The following MPDZ variants were observed in gnomAD, a reference collection of about 807,000 sequenced individuals.
MPDZ encodes the protein multiple PDZ domain crumbs cell polarity complex component.
In MPDZ, 234 loss-of-function variants were observed where a neutral mutation model predicts 239.1. The ratio of observed to expected loss-of-function variants is 0.98; its 90% CI spans 0.88 to 1.09. The LOEUF is 1.09. Among genes scored for constraint, MPDZ ranks in the 50% least tolerant of loss-of-function variants. The pLI, the probability that MPDZ is intolerant of heterozygous loss-of-function variation, is 0.00. For synonymous variants in MPDZ, 1,048 were observed against 881.3 expected (o/e 1.19, Z -3.35); for missense variants, 3,175 against 2,510.0 (o/e 1.26, Z -5.66).
chr9:13,117,247 C>T (rs926111164), intron 39 of MPDZ, among the ~76,000 whole-genome samples: 1 of 152,076 alleles, frequency 6.6e-6, no homozygotes, highest in Admixed American at 6.5e-5. Context: ...GGAGCGACTA[C>T]TGTATATATT....
chr9:13,115,730 G>C (rs1308996215), intron 39 of MPDZ, among the ~76,000 whole-genome samples: 3 of 152,018 alleles, frequency 2.0e-5, no homozygotes, highest in Non-Finnish European at 2.9e-5. Context: ...TGGATCACGA[G>C]GTCAGGAGAT....
rs1944638568 is a variant in MPDZ, at chr9:13,123,283, G to A, written c.4823C>T (p.Ser1608Leu). The change falls in exon 36 of 47, where the codon TCA (serine) becomes TTA (leucine). Residue 1608 changes from serine to leucine, a missense_variant. Ser to Leu is a moderately radical substitution (Grantham distance 145). Transcript: ENST00000319217. ...PESIRNTSRS[S>L]TPAIFASDPA... ...ATCAGAAGCAAAAATTGCTGGTGTT[G>A]ATGATCTGCTTGTATCTAAAAATAA... The A allele has an allele frequency of 6.2e-7, 1 of 1,610,818 alleles. No individual in the cohort carries two copies. The highest frequency in any genetic ancestry group is 8.5e-7 in the Non-Finnish European group (1 of 1,178,474).
rs1408665173 is a variant in MPDZ, at chr9:13,113,988, G to T, written c.5500C>A (p.Pro1834Thr). The T allele has an allele frequency of 6.3e-7, 1 of 1,598,168 alleles. No individual in the cohort carries two copies. The highest frequency in any genetic ancestry group is 1.1e-5 in the South Asian group (1 of 87,752). Residue 1834 changes from proline (P) to threonine (T), a missense_variant, in exon 41 of 47, where the codon CCA (proline) becomes ACA (threonine). Physicochemically the swap from Pro to Thr is conservative, Grantham distance 38. Transcript: ENST00000319217. The part of the protein sequence containing the change: ...SEGSLSSFTF[P>T]LSGSSTSESL... ...TCAGATGTACTGGATCCAGAGAGTG[G>T]AAAAGTGAAAGATGACAGGCTGCCT...
At chr9:13,210,740 A>T (rs1957522740) in intron 10 of MPDZ, among the ~76,000 whole-genome samples, 1 of 152,112 alleles carries the variant, frequency 6.6e-6, no homozygotes, top group Non-Finnish European at 1.5e-5. Flanking sequence ...CAATCTATGA[A>T]ACAGACTGCT....
rs772699513 is a variant in MPDZ, at chr9:13,121,856, C to A, written c.5114G>T (p.Arg1705Leu). The A allele has an allele frequency of 1.2e-6, 2 of 1,613,712 alleles. No individual in the cohort carries two copies. The highest frequency in any genetic ancestry group is 1.7e-6 in the Non-Finnish European group (2 of 1,179,758). ...GGCCTCATCTCTGTAGAGTGTCAGGCGCACTCTCTGTGGCGTCTGTCTCAG... is the reference window on the plus strand; with the variant it reads ...GGCCTCATCTCTGTAGAGTGTCAGGAGCACTCTCTGTGGCGTCTGTCTCAG... ...NVLRQTPQRVRLTLYRDEAPY... is the reference protein window; with the variant it reads ...NVLRQTPQRVLLTLYRDEAPY... Residue 1705 changes from arginine (R) to leucine (L), a missense_variant, in exon 38 of 47, where the codon CGC becomes CTC. Arg to Leu is a moderately radical substitution (Grantham distance 102). Coordinates refer to ENST00000319217, the MANE Select transcript of MPDZ (RefSeq NM_001378778.1).
Position 13,206,004 on chromosome 9 carries a change from T to A in MPDZ, c.1386A>T (p.Arg462Ser). Residue 462 changes from arginine to serine, a missense_variant, in exon 11 of 47, where the codon AGA becomes AGT. Arg to Ser is a moderately radical substitution (Grantham distance 110, BLOSUM62 -1). Coordinates refer to ENST00000319217, the MANE Select transcript of MPDZ (RefSeq NM_001378778.1). Reference protein sequence around the residue: ...GQTVLLTLMRRGMKQEAELMS... With the variant: ...GQTVLLTLMRSGMKQEAELMS... ...TGAGCTCGGCTTCCTGCTTCATTCC[T>A]CTCCTCATTAGTGTCAGGAGCACAG... 1 of 1,612,622 alleles carries A rather than the reference T, an allele frequency of 6.2e-7. No individual in the cohort carries two copies. Among genetic ancestry groups the A allele is most frequent in the Non-Finnish European group, 8.5e-7 (1 of 1,179,402 alleles).
rs1948020365 is a variant in MPDZ, at chr9:13,143,548, G to A, written c.3758C>T (p.Ser1253Phe). ...CTTAGGGTAAAGGTTGTGCAGCAAG[G>A]AAGGCAAAGGGGATTTCTAAAAGGA... Reference protein sequence around the residue: ...INRPRKSPLPSLLHNLYPKYN... With the variant: ...INRPRKSPLPFLLHNLYPKYN... Residue 1253 changes from serine to phenylalanine, a missense_variant, in exon 27 of 47, where the codon TCC becomes TTC. Coordinates refer to ENST00000319217, the MANE Select transcript of MPDZ (RefSeq NM_001378778.1). 1.2e-6 allele frequency: 2 copies of A among 1,612,792 alleles called. No individual in the cohort carries two copies. The highest frequency in any genetic ancestry group is 2.2e-5 in the East Asian group (1 of 44,864).
chr9:13,165,926 G>A (rs1951017598), intron 22 of MPDZ, among the ~76,000 whole-genome samples: 1 of 152,060 alleles, frequency 6.6e-6, no homozygotes. Context: ...ATCTACCCAT[G>A]CATGCATGAA....
At chr9:13,147,450 A>T in intron 26 of MPDZ, 98 bp downstream of exon 26, 1 of 846,380 alleles carries the variant, frequency 1.2e-6, no homozygotes, top group Non-Finnish European at 2.0e-6. Context: ...TTGAAAAATC[A>T]CTATCTTTAC....
rs1950622731 is a variant in MPDZ, at chr9:13,162,739, T to C, written c.3311A>G (p.Gln1104Arg). Residue 1104 changes from glutamine (Q) to arginine (R), a missense_variant, in exon 23 of 47, where the codon CAA (glutamine) becomes CGA (arginine). Transcript: ENST00000319217. Reference protein sequence around the residue: ...LEEFKISLGQQSGRVMALDIF... With the variant: ...LEEFKISLGQRSGRVMALDIF... ...ATCCAGTGCCATTACTCTTCCAGATTGTTGTCCCAAGCTTATTTTGAACTC... is the reference window on the plus strand; with the variant it reads ...ATCCAGTGCCATTACTCTTCCAGATCGTTGTCCCAAGCTTATTTTGAACTC... 1.9e-6 allele frequency: 3 copies of C among 1,611,636 alleles called. No homozygotes were observed. The highest frequency in any genetic ancestry group is 2.5e-6 in the Non-Finnish European group (3 of 1,178,686).
intron 1 of MPDZ, among the ~76,000 whole-genome samples, chr9:13,255,365 A>G (rs978808207): frequency 2.6e-5 from 4 of 152,202 alleles, no homozygotes; most frequent in Non-Finnish European, 4.4e-5. Flanking sequence ...GGTAATGTTG[A>G]TATTTTGCCT....
At chr9:13,173,820 CTCT>C (rs1952108005) in intron 21 of MPDZ, among the ~76,000 whole-genome samples, 1 of 152,132 alleles carries the variant, frequency 6.6e-6, no homozygotes, top group South Asian at 2.1e-4. Flanking sequence ...AAGCTGAATG[CTCT>C]TCTTAAAACA....
At chr9:13,156,508 C>T (rs1949836294) in intron 24 of MPDZ, among the ~76,000 whole-genome samples, 1 of 152,150 alleles carries the variant, frequency 6.6e-6, no homozygotes, top group South Asian at 2.1e-4. Flanking sequence ...TGCAGGGCAA[C>T]TCCCGTTTTT....
intron 1 of MPDZ, among the ~76,000 whole-genome samples, chr9:13,273,597 T>G (rs931809826): frequency 6.6e-6 from 1 of 152,206 alleles, no homozygotes; most frequent in Non-Finnish European, 1.5e-5. Context: ...GGAGAGGGGA[T>G]GATCTGCATC....
At chr9:13,211,974 C>A (rs1180857231) in intron 10 of MPDZ, among the ~76,000 whole-genome samples, 1 of 151,948 alleles carries the variant, frequency 6.6e-6, no homozygotes, top group Non-Finnish European at 1.5e-5. Flanking sequence ...GTTATTTACT[C>A]TCACAGTAAT....
intron 2 of MPDZ, among the ~76,000 whole-genome samples, chr9:13,248,316 T>C (rs1264045690): frequency 6.6e-6 from 1 of 151,802 alleles, no homozygotes; most frequent in Non-Finnish European, 1.5e-5. Context: ...ATATTTTAAA[T>C]CTTTCTCCAA....
At chr9:13,132,499 C>A (rs951731133) in intron 32 of MPDZ, among the ~76,000 whole-genome samples, 3 of 152,084 alleles carry the variant, frequency 2.0e-5, no homozygotes, top group African/African-American at 7.2e-5. Context: ...TATCAAGCAC[C>A]TTAATCAGGT....
Position 13,106,871 on chromosome 9 carries a change from G to T in MPDZ, c.*94C>A. On this transcript the variant is annotated 3_prime_UTR_variant, in exon 47 of 47. Coordinates refer to ENST00000319217, the MANE Select transcript of MPDZ (RefSeq NM_001378778.1). ...TCCCCCCTACAGTTTTGAAGACCCG[G>T]CTGAACACAGCATAAAAATTGTCAG... 7.1e-7 allele frequency: 1 copy of T among 1,413,896 alleles called. No individual in the cohort carries two copies. 87.6% of individuals were successfully genotyped at this position (1,413,896 alleles called of 1,614,324 possible).
intron 10 of MPDZ, among the ~76,000 whole-genome samples, 194 bp from the exon 11 acceptor site, chr9:13,206,293 T>A (rs1956984644): frequency 1.3e-5 from 2 of 152,072 alleles, no homozygotes; most frequent in African/African-American, 4.8e-5. Context: ...ACTAGAATCA[T>A]TTGAGAGGCT....
Sources: gnomAD v4.1 joint callset for allele counts (sites outside exome capture counted in the v4.1 genomes callset) on GRCh38, gnomAD v4.1.1 for gene constraint, MANE v1.5 for transcripts, NCBI Gene and HGNC (gene_info 2026-07-23, HGNC 2026-07-21) for gene names.